Variants in PSMD8 observed in about 807,000 individuals in gnomAD.
PSMD8 encodes the protein proteasome 26S subunit, non-ATPase 8, also known as 26S proteasome non-ATPase regulatory subunit 8.
In PSMD8, 30 loss-of-function variants were observed where a neutral mutation model predicts 40.0. That is an observed-to-expected ratio of 0.75 (90% confidence interval 0.56 to 1.02). The LOEUF (loss-of-function observed/expected upper bound fraction) is 1.02, where lower values mean the gene tolerates loss of function less well. PSMD8 is among the 50% of genes least tolerant of loss of function. The pLI is 0.00. For missense variants in PSMD8, 461 were observed against 463.9 expected, an observed-to-expected ratio of 0.99 and a Z score of 0.06; for synonymous variants, 208 against 192.5, an observed-to-expected ratio of 1.08 and a Z score of -0.67.
At chr19:38,383,140 T>C in intron 6 of PSMD8, 113 bp from the exon 7 acceptor site, 2 of 1,396,016 alleles carry the variant, frequency 1.4e-6, no homozygotes, top group Non-Finnish European at 2.0e-6. Flanking sequence ...TTGGGCAGAG[T>C]ACGATTGGTG....
intron 3 of PSMD8, among the ~76,000 whole-genome samples, chr19:38,377,935 C>G (rs147883441): frequency 1.3e-5 from 2 of 152,210 alleles, no homozygotes; most frequent in Admixed American, 1.3e-4. Flanking sequence ...CCACCGCGCC[C>G]GGCCAGTAAC....
chr19:38,379,488 GC>G, intron 4 of PSMD8, 83 bp downstream of exon 4: 2 of 1,461,360 alleles, frequency 1.4e-6, no homozygotes, highest in Non-Finnish European at 1.9e-6. Flanking sequence ...TGAAGGAGTG[GC>G]CAGGGTTCAC....
intron 1 of PSMD8, 21 bp from the exon 2 acceptor site, chr19:38,376,139 C>A: frequency 1.3e-6 from 2 of 1,567,822 alleles, no homozygotes; most frequent in East Asian, 2.3e-5. Flanking sequence ...TTCTTTCTTC[C>A]CTCCCTCCCC....
intron 5 of PSMD8, among the ~76,000 whole-genome samples, 176 bp from the exon 6 acceptor site, chr19:38,381,941 C>T (rs934278909): frequency 1.3e-5 from 2 of 152,150 alleles, no homozygotes; most frequent in Middle Eastern, 3.4e-3. Flanking sequence ...GCTTGCTTTG[C>T]GAGTCTGGTC....
rs752196497 is a variant in PSMD8 at position 38,383,242 on chromosome 19, C to G, written c.916-11C>G. On this transcript the variant is annotated splice_polypyrimidine_tract_variant and intron_variant, in intron 6 of 6. Coordinates refer to ENST00000215071, the MANE Select transcript of PSMD8 (RefSeq NM_002812.5). The stretch of plus-strand genomic sequence containing the variant: ...TCACTCTACTCGTCTCTAATCCCTC[C>G]TTTCCTGCAGCGAGGGTGGGTCCTG... 1.2e-6 allele frequency: 2 copies of G among 1,612,334 alleles called. No homozygotes were observed. Among genetic ancestry groups the G allele is most frequent in the East Asian group, 2.2e-5 (1 of 44,872 alleles).
chr19:38,375,052 C>A, intron 1 of PSMD8, 91 bp downstream of exon 1: 1 of 1,502,352 alleles, frequency 6.7e-7, no homozygotes. Context: ...GCCGCGGAAG[C>A]CACCTCGGTG....
chr19:38,379,684 G>T (rs561631189), intron 4 of PSMD8, among the ~76,000 whole-genome samples: 1 of 152,196 alleles, frequency 6.6e-6, no homozygotes, highest in South Asian at 2.1e-4. Context: ...AGTGGCCTGC[G>T]CAGTCTGTCA....
intron 6 of PSMD8, 65 bp from the exon 7 acceptor site, chr19:38,383,188 C>G: frequency 6.2e-7 from 1 of 1,600,600 alleles, no homozygotes; most frequent in Non-Finnish European, 8.5e-7. Context: ...AAGTGCTGGC[C>G]CCATAGGGTG....
chr19:38,381,205 C>CT, intron 5 of PSMD8: 1 of 516,664 alleles, frequency 1.9e-6, no homozygotes, highest in South Asian at 2.6e-5. Context: ...CCACCCTTGG[C>CT]TGTTGACATG....
At chr19:38,382,487 T>G (rs1970649750) in intron 6 of PSMD8, 1 of 557,382 alleles carries the variant, frequency 1.8e-6, no homozygotes, top group Non-Finnish European at 3.2e-6. Flanking sequence ...TTATCAAAAT[T>G]TCTTAGAGGT....
In PSMD8 at chr19:38,382,324, C is replaced by T. The variant is rs144625986; in HGVS notation, c.915+96C>T. ...TAGAGGGACACTGGAACAAGACTGC[C>T]CAGGTTTAAGTTCAACTGTGTGACT... On this transcript the variant is annotated intron_variant, in intron 6 of 6. Transcript: ENST00000215071. 47 of 987,862 alleles carry T rather than the reference C, an allele frequency of 4.8e-5. 1 individual carries two copies. In the East Asian group the frequency reaches 1.2e-3, roughly 26 times the overall value. The allele number at this position is 987,862 out of a possible 1,614,324, so 61.2% of individuals were successfully genotyped here.
At chr19:38,375,457 A>T (rs1970590499) in intron 1 of PSMD8, 1 of 188,126 alleles carries the variant, frequency 5.3e-6, no homozygotes. Flanking sequence ...TCCAGGCAAG[A>T]CCAAGTGGGA....
Position 38,382,105 on chromosome 19 carries a change from A to G in PSMD8, c.804-12A>G, listed in dbSNP as rs375274650. ...GATGCTCAGTAATGAGGAGCTTCTC[A>G]TCTTCCCCCAGGGATGAGATCGCTG... On this transcript the variant is annotated splice_polypyrimidine_tract_variant and intron_variant, in intron 5 of 6. Transcript: ENST00000215071. The G allele has an allele frequency of 6.4e-7, 1 of 1,553,312 alleles. No homozygotes were observed. The highest frequency in any genetic ancestry group is 8.7e-7 in the Non-Finnish European group (1 of 1,146,982).
chr19:38,381,611 G>A (rs1208467837), intron 5 of PSMD8, among the ~76,000 whole-genome samples: 1 of 152,152 alleles, frequency 6.6e-6, no homozygotes, highest in East Asian at 1.9e-4. Context: ...ACTACCTACC[G>A]CATGGCCTAA....
intron 4 of PSMD8, among the ~76,000 whole-genome samples, 186 bp from the exon 5 acceptor site, chr19:38,380,707 AGTGTGT>A (rs35021765): frequency 5.8e-5 from 7 of 120,954 alleles, no homozygotes; most frequent in African/African-American, 2.1e-4. Context: ...AGAGAGAGAG[AGTGTGT>A]GTGTGTGTGT....
chr19:38,382,914 GA>G (rs113895207), intron 6 of PSMD8: 19,482 of 181,844 alleles, frequency 0.11, 237 homozygotes, highest in South Asian at 0.17. Context: ...TCTGTCTGGG[GA>G]AAAAAAAAAA....
Position 38,374,807 on chromosome 19 carries a change from T to C in PSMD8, c.206T>C (p.Val69Ala), listed in dbSNP as rs1427999908. ...AASRKMAAAA[V>A]NGAAGFSSSG... is the part of the protein sequence containing the mutation. ...TCACGCAAGATGGCGGCCGCGGCGGTGAACGGGGCGGCAGGCTTCTCGAGC... is the reference window on the plus strand; with the variant it reads ...TCACGCAAGATGGCGGCCGCGGCGGCGAACGGGGCGGCAGGCTTCTCGAGC... The change falls in exon 1 of 7, where the codon GTG (valine) becomes GCG (alanine). Residue 69 changes from valine (V) to alanine (A), a missense_variant. Around this residue, in one of 2 missense-constraint regions of PSMD8, gnomAD observed 225 missense variants for 142.7 expected, o/e 1.58. Coordinates refer to ENST00000215071, the MANE Select transcript of PSMD8 (RefSeq NM_002812.5). 6.4e-7 allele frequency: 1 copy of C among 1,572,682 alleles called. No individual in the cohort carries two copies. The highest frequency in any genetic ancestry group is 8.6e-7 in the Non-Finnish European group (1 of 1,165,764).
At chr19:38,375,310 T>G in intron 1 of PSMD8, 2 of 265,298 alleles carry the variant, frequency 7.5e-6, no homozygotes, top group South Asian at 7.3e-5. Flanking sequence ...ATGACTGGAA[T>G]GGACCCACGC....
rs563227103 is a variant in PSMD8, at chr19:38,380,021, C to T, written c.702+616C>T. Among the ~76,000 whole-genome samples, 27 of 152,362 alleles carry T rather than the reference C, an allele frequency of 1.8e-4. No homozygotes were observed. The East Asian group carries it at 5.0e-3, about 28-fold the overall frequency. ...AGAAAAGGGTGGCCGTGCACAGTGG[C>T]TCACGCCTGTAATCCCAGCACATTG... is the stretch of plus-strand genomic sequence containing the variant. On this transcript the variant is annotated intron_variant, in intron 4 of 6. Coordinates refer to ENST00000215071, the MANE Select transcript of PSMD8 (RefSeq NM_002812.5).
Sources: gnomAD v4.1 joint callset for allele counts (sites outside exome capture counted in the v4.1 genomes callset) on GRCh38, gnomAD v4.1.1 for gene constraint, gnomAD v4.1.1 regional missense constraint, MANE v1.5 for transcripts, NCBI Gene and HGNC (gene_info 2026-07-23, HGNC 2026-07-21) for gene names.